The following SF3A3 variants were observed in gnomAD, a reference collection of about 807,000 sequenced individuals.
SF3A3 encodes SAP 61.
Under a neutral mutation model 85.8 loss-of-function variants are expected in SF3A3, and 9 were observed. That is an observed-to-expected ratio of 0.10 (90% CI 0.06 to 0.18). SF3A3 has a LOEUF of 0.18. Among genes scored for constraint, SF3A3 ranks in the 10% least tolerant of loss-of-function variants. The pLI, the probability that SF3A3 is intolerant of heterozygous loss-of-function variation, is 1.00. For synonymous variants in SF3A3, 195 were observed against 204.4 expected, an observed-to-expected ratio of 0.95 and a Z score of 0.39; for missense variants, 306 against 593.3, an observed-to-expected ratio of 0.52 and a Z score of 5.03.
At chr1:37,987,548 AG>A (rs1646465334) in intron 4 of SF3A3, 24 bp downstream of exon 4, 1 of 1,519,260 alleles carries the variant, frequency 6.6e-7, no homozygotes, top group Non-Finnish European at 9.1e-7. Flanking sequence ...ATAGGTCTGG[AG>A]AAAATACTTT....
intron 2 of SF3A3, among the ~76,000 whole-genome samples, chr1:37,988,089 C>T (rs908786364): frequency 6.6e-6 from 1 of 152,190 alleles, no homozygotes; most frequent in African/African-American, 2.4e-5. Context: ...CTAAATGATA[C>T]ATTTAAGGGG....
At chr1:37,981,091 C>T (rs1331881595) in intron 7 of SF3A3, among the ~76,000 whole-genome samples, 2 of 151,984 alleles carry the variant, frequency 1.3e-5, no homozygotes, top group Admixed American at 1.3e-4. Context: ...TCAGGTGATC[C>T]GTCTGCCTCG....
At chr1:37,982,161 G>C (rs1557754450) in intron 6 of SF3A3, among the ~76,000 whole-genome samples, 1 of 152,052 alleles carries the variant, frequency 6.6e-6, no homozygotes, top group Non-Finnish European at 1.5e-5. Flanking sequence ...ATTTGTTCAC[G>C]CAAGTAACTA....
chr1:37,963,104 C>A (rs1458957305), intron 15 of SF3A3, among the ~76,000 whole-genome samples: 1 of 150,658 alleles, frequency 6.6e-6, no homozygotes, highest in Non-Finnish European at 1.5e-5. Context: ...AAAAAAAAAT[C>A]ACTGCAACTT....
chr1:37,979,948 C>T (rs959158069), intron 8 of SF3A3, among the ~76,000 whole-genome samples: 2 of 152,148 alleles, frequency 1.3e-5, no homozygotes, highest in African/African-American at 4.8e-5. Context: ...ACATTCTCTC[C>T]CTGGAGAGTT....
chr1:37,986,474 C>G (rs1646457730), intron 4 of SF3A3, among the ~76,000 whole-genome samples: 1 of 152,124 alleles, frequency 6.6e-6, no homozygotes, highest in South Asian at 2.1e-4. Flanking sequence ...TGATGGAAGC[C>G]TTCCCAGGCC....
At chr1:37,959,342 G>A (rs940506916) in intron 16 of SF3A3, among the ~76,000 whole-genome samples, 1 of 152,130 alleles carries the variant, frequency 6.6e-6, no homozygotes, top group Non-Finnish European at 1.5e-5. Flanking sequence ...GCCTCCCAAA[G>A]TGCTGGGATT....
chr1:37,966,362 G>A (rs1212928697), intron 15 of SF3A3, among the ~76,000 whole-genome samples: 3 of 152,146 alleles, frequency 2.0e-5, no homozygotes, highest in African/African-American at 4.8e-5. Flanking sequence ...CACATTCCCT[G>A]ACATGCACTC....
At chr1:37,961,767 AAAAAAAAAAAAAAAAAGAAAGAAAG>A (rs1319982212) in intron 15 of SF3A3, among the ~76,000 whole-genome samples, 6 of 139,514 alleles carry the variant, frequency 4.3e-5, no homozygotes, top group Non-Finnish European at 7.6e-5. Flanking sequence ...GCCAAAAAAA[AAAAAAAAAAAAAAAAAGAAAGAAAG>A]AAAAAAAGGC....
intron 7 of SF3A3, 117 bp from the exon 8 acceptor site, chr1:37,980,841 C>CTTTT (rs760972269): frequency 4.0e-4 from 38 of 95,434 alleles, no homozygotes; most frequent in African/African-American, 7.3e-4. Flanking sequence ...TTTTAATACT[C>CTTTT]TTTTTTTTTT....
chr1:37,977,148 A>T (rs1646384474), intron 11 of SF3A3, among the ~76,000 whole-genome samples, 195 bp from the exon 12 acceptor site: 1 of 152,204 alleles, frequency 6.6e-6, no homozygotes, highest in Non-Finnish European at 1.5e-5. Context: ...GAATGCATGG[A>T]GGCTTCCTCT....
At chr1:37,959,728 T>C (rs1646243884) in intron 16 of SF3A3, among the ~76,000 whole-genome samples, 1 of 151,824 alleles carries the variant, frequency 6.6e-6, no homozygotes. Context: ...CAGGCGTGCA[T>C]GGGTGGATCA....
At chr1:37,974,030 A>G (rs1250987175) in intron 12 of SF3A3, among the ~76,000 whole-genome samples, 1 of 152,108 alleles carries the variant, frequency 6.6e-6, no homozygotes, top group Non-Finnish European at 1.5e-5. Flanking sequence ...GAATTGAACA[A>G]TGAGAATACT....
At chr1:37,989,131 C>A (rs1286532118) in intron 2 of SF3A3, among the ~76,000 whole-genome samples, 1 of 151,774 alleles carries the variant, frequency 6.6e-6, no homozygotes. Context: ...TCCGTCTCTA[C>A]TAAAAATACA....
Position 37,963,082 on chromosome 1 carries a change from C to T in SF3A3, c.1373-2907G>A, listed in dbSNP as rs547069693. ...TAGCCTGAGCAACAGAGCGAGACTC[C>T]GTCTCAAAAAAAAAAAAAAATCACT... On this transcript the variant is annotated intron_variant, in intron 15 of 16. Transcript: ENST00000373019. Among the ~76,000 whole-genome samples, 41 of 146,956 alleles carry T rather than the reference C, an allele frequency of 2.8e-4. 1 individual carries two copies. The South Asian group carries it at 6.6e-3, about 23-fold the overall frequency.
chr1:37,979,586 T>C (rs1646402700), intron 8 of SF3A3, 53 bp from the exon 9 acceptor site: 2 of 1,396,084 alleles, frequency 1.4e-6, no homozygotes, highest in Admixed American at 3.4e-5. Context: ...CCAGGTGTGG[T>C]GGCTCACACC....
intron 11 of SF3A3, 110 bp downstream of exon 11, chr1:37,978,610 C>T (rs1161393077): frequency 6.1e-6 from 4 of 653,864 alleles, no homozygotes; most frequent in African/African-American, 1.8e-5. Flanking sequence ...GGATCTCTGT[C>T]AACCAATAAC....
At chr1:37,969,786 A>C in intron 12 of SF3A3, 51 bp from the exon 13 acceptor site, 1 of 1,587,374 alleles carries the variant, frequency 6.3e-7, no homozygotes, top group Non-Finnish European at 8.6e-7. Flanking sequence ...GCAGAATAAG[A>C]AGGGAAATTT....
chr1:37,958,985 T>C (rs540279209), intron 16 of SF3A3, among the ~76,000 whole-genome samples: 132 of 152,162 alleles, frequency 8.7e-4, no homozygotes, highest in Non-Finnish European at 1.7e-3. Flanking sequence ...AAAGGAGATC[T>C]AATACATGAT....
Sources: allele counts gnomAD v4.1 joint callset (sites outside exome capture counted in the v4.1 genomes callset), GRCh38; gene constraint gnomAD v4.1.1; transcripts MANE v1.5; gene names NCBI Gene and HGNC (gene_info 2026-07-23, HGNC 2026-07-21).